The following ZNF609 variants were observed in gnomAD, a reference collection of about 807,000 sequenced individuals.
ZNF609 encodes the protein zinc finger protein 609.
A neutral mutation model predicts 109.5 loss-of-function variants in ZNF609; 11 were observed. The ratio of observed to expected loss-of-function variants is 0.10; its 90% CI spans 0.06 to 0.17. The LOEUF (loss-of-function observed/expected upper bound fraction) is 0.17, where lower values mean the gene tolerates loss of function less well. Among genes scored for constraint, ZNF609 ranks in the 10% least tolerant of loss-of-function variants. The probability of loss-of-function intolerance (pLI) is 1.00; values close to 1 mark genes in which losing one functional copy is unlikely to be tolerated. For synonymous variants in ZNF609, 646 were observed against 662.0 expected, an observed-to-expected ratio of 0.98 and a Z score of 0.37; for missense variants, 1,559 against 1,772.4, an observed-to-expected ratio of 0.88 and a Z score of 2.16.
intron 2 of ZNF609, among the ~76,000 whole-genome samples, chr15:64,547,869 A>G (rs1225946329): frequency 6.6e-6 from 1 of 152,206 alleles, no homozygotes; most frequent in Non-Finnish European, 1.5e-5. Flanking sequence ...CTGGAGAAAA[A>G]TGAGGCAAAG....
chr15:64,520,928 C>T (rs1186432895), intron 2 of ZNF609, among the ~76,000 whole-genome samples: 1 of 152,200 alleles, frequency 6.6e-6, no homozygotes, highest in East Asian at 1.9e-4. Context: ...AGAGGCTCAC[C>T]TGATTTTCGT....
intron 3 of ZNF609, among the ~76,000 whole-genome samples, chr15:64,630,628 T>C (rs749395567): frequency 8.6e-5 from 13 of 151,854 alleles, no homozygotes; most frequent in Non-Finnish European, 1.3e-4. Flanking sequence ...TGGTGTGATC[T>C]TGGCTCACTG....
chr15:64,549,986 A>G (rs1162339201), intron 2 of ZNF609, among the ~76,000 whole-genome samples: 3 of 151,936 alleles, frequency 2.0e-5, no homozygotes, highest in Non-Finnish European at 4.4e-5. Context: ...TTTAAGAGAC[A>G]AGGGTCTTGC....
intron 2 of ZNF609, among the ~76,000 whole-genome samples, chr15:64,589,008 T>G (rs1269338732): frequency 1.3e-5 from 2 of 152,124 alleles, no homozygotes; most frequent in Non-Finnish European, 2.9e-5. Context: ...GGGAGATGGT[T>G]TACACATCAG....
chr15:64,684,873 ATTAC>A lies in ZNF609; in HGVS notation c.*3190_*3193del, dbSNP rs2083232155. The A allele has an allele frequency of 6.6e-6, 1 of 152,502 alleles. No homozygotes were observed. 9.4% of individuals were successfully genotyped at this position (152,502 alleles called of 1,614,324 possible). ...TTCTGGGCCTTTGTTGTTTGTTTTA[ATTAC>A]TTGGGCATCCCAGGAAGCTTTCCAG... On this transcript the variant is annotated 3_prime_UTR_variant, in exon 10 of 10. Transcript: ENST00000326648.
At chr15:64,480,562 A>G (rs1036966919) in intron 1 of ZNF609, among the ~76,000 whole-genome samples, 3 of 152,016 alleles carry the variant, frequency 2.0e-5, no homozygotes, top group Non-Finnish European at 2.9e-5. Context: ...TGTTACCAAT[A>G]ATTTAATTCT....
chr15:64,465,826 C>T (rs560751519), intron 1 of ZNF609, among the ~76,000 whole-genome samples: 3 of 151,816 alleles, frequency 2.0e-5, no homozygotes, highest in Admixed American at 1.3e-4. Context: ...ATCTTAAAAA[C>T]GGATATAGGC....
chr15:64,459,894 A>G (rs191375346), upstream of ZNF609, among the ~76,000 whole-genome samples: 2 of 152,134 alleles, frequency 1.3e-5, no homozygotes, highest in Non-Finnish European at 2.9e-5. Context: ...AAAAGCTACA[A>G]TCCTTAGAAT....
chr15:64,658,855 T>C (rs1309718998), intron 3 of ZNF609, among the ~76,000 whole-genome samples: 1 of 152,146 alleles, frequency 6.6e-6, no homozygotes, highest in Non-Finnish European at 1.5e-5. Flanking sequence ...TATCTATTGA[T>C]ATCTACCATT....
At chr15:64,481,562 C>T (rs991605638) in intron 1 of ZNF609, among the ~76,000 whole-genome samples, 5 of 151,876 alleles carry the variant, frequency 3.3e-5, no homozygotes, top group East Asian at 1.9e-4. Flanking sequence ...TCAGGTGATC[C>T]GCCTGCCTCG....
intron 2 of ZNF609, among the ~76,000 whole-genome samples, chr15:64,562,969 A>G (rs116983983): frequency 1.3e-5 from 2 of 151,756 alleles, no homozygotes; most frequent in East Asian, 1.9e-4. Flanking sequence ...CTGAAGTCCA[A>G]TTGTCTAACG....
intron 3 of ZNF609, among the ~76,000 whole-genome samples, chr15:64,664,071 T>G (rs1405571067): frequency 6.6e-6 from 1 of 151,988 alleles, no homozygotes; most frequent in Non-Finnish European, 1.5e-5. Flanking sequence ...CTACTAATAA[T>G]ACAAAAATTA....
chr15:64,489,175 T>G (rs554631110), intron 1 of ZNF609, among the ~76,000 whole-genome samples: 5 of 149,820 alleles, frequency 3.3e-5, no homozygotes, highest in African/African-American at 7.3e-5. Flanking sequence ...AGTTTTGTGT[T>G]TTTTTTTTTG....
intron 3 of ZNF609, among the ~76,000 whole-genome samples, chr15:64,646,251 T>C (rs1200751463): frequency 6.6e-6 from 1 of 152,074 alleles, no homozygotes; most frequent in Admixed American, 6.6e-5. Flanking sequence ...CCCAGCACTT[T>C]GGGAGGCTGA....
At chr15:64,670,239 T>G in intron 3 of ZNF609, 107 bp from the exon 4 acceptor site, 1 of 857,632 alleles carries the variant, frequency 1.2e-6, no homozygotes, top group Non-Finnish European at 2.0e-6. Context: ...GTACCCAGAG[T>G]ACCTCCTAAA....
At chr15:64,554,073 C>T (rs1289480803) in intron 2 of ZNF609, among the ~76,000 whole-genome samples, 2 of 151,986 alleles carry the variant, frequency 1.3e-5, no homozygotes, top group Admixed American at 1.3e-4. Context: ...ATTTATTTTT[C>T]TTGCCTTTAT....
chr15:64,609,224 C>T (rs527506061), intron 2 of ZNF609, among the ~76,000 whole-genome samples: 6 of 151,052 alleles, frequency 4.0e-5, no homozygotes, highest in Non-Finnish European at 8.8e-5. Context: ...ATCACTCTGT[C>T]GCCCAGGCTG....
chr15:64,588,442 A>AGAAAAAAAAAAGAAG (rs749716670), intron 2 of ZNF609, among the ~76,000 whole-genome samples: 2 of 75,282 alleles, frequency 2.7e-5, no homozygotes, highest in Middle Eastern at 0.017. Context: ...AAAAAAAAAA[A>AGAAAAAAAAAAGAAG]AAGAAGAGGA....
intron 2 of ZNF609, among the ~76,000 whole-genome samples, chr15:64,618,583 T>C (rs1022078908): frequency 1.3e-5 from 2 of 152,148 alleles, no homozygotes; most frequent in Non-Finnish European, 2.9e-5. Context: ...TAAGGTTTTA[T>C]TGAGTGAAAG....
Sources: allele counts gnomAD v4.1 joint callset (sites outside exome capture counted in the v4.1 genomes callset), GRCh38; gene constraint gnomAD v4.1.1; transcripts MANE v1.5; gene names NCBI Gene and HGNC (gene_info 2026-07-23, HGNC 2026-07-21).